The following OSTN variants were observed in gnomAD, a reference collection of about 807,000 sequenced individuals.
OSTN encodes the protein osteocrin.
Under a neutral mutation model 12.0 loss-of-function variants are expected in OSTN, and 9 were observed. The observed-to-expected ratio is 0.75, with a 90% confidence interval of 0.45 to 1.30. The LOEUF (loss-of-function observed/expected upper bound fraction) is 1.30. OSTN is among the 50% of genes most tolerant of loss of function. The probability of loss-of-function intolerance (pLI) is 0.00; values close to 1 mark genes in which losing one functional copy is unlikely to be tolerated. For missense variants in OSTN, 148 were observed against 152.3 expected (o/e 0.97, Z 0.15); for synonymous variants, 59 against 56.9 (o/e 1.04, Z -0.16).
Position 191,263,098 on chromosome 3 carries a change from A to G in OSTN, c.*245A>G. The G allele has an allele frequency of 2.1e-6, 1 of 470,892 alleles. No individual in the cohort carries two copies. The highest frequency in any genetic ancestry group is 3.8e-6 in the Non-Finnish European group (1 of 265,722). 29.2% of individuals were successfully genotyped at this position (470,892 alleles called of 1,614,324 possible). A position where few individuals can be genotyped will look rare whatever the true frequency, so the allele number is the denominator to read the frequency against. ...TATTTTAATTATTCAAGAATGGTTA[A>G]CTTCCCCTTAAACCTTACTTTTAAA... On this transcript the variant is annotated 3_prime_UTR_variant, in exon 5 of 5. Coordinates refer to ENST00000682035, the MANE Select transcript of OSTN (RefSeq NM_198184.2).
intron 4 of OSTN, among the ~76,000 whole-genome samples, chr3:191,253,060 T>C (rs1278308490): frequency 1.1e-4 from 16 of 152,236 alleles, no homozygotes; most frequent in African/African-American, 9.6e-5. Flanking sequence ...TTTGGACTTA[T>C]AGGCCAACAT....
chr3:191,212,481 G>T, intron 1 of OSTN, 52 bp from the exon 2 acceptor site: 4 of 1,250,758 alleles, frequency 3.2e-6, no homozygotes, highest in Admixed American at 4.2e-5. Flanking sequence ...TCTGTTTTTT[G>T]TCTTTACATT....
intron 3 of OSTN, among the ~76,000 whole-genome samples, chr3:191,229,312 A>G (rs1714990833): frequency 6.6e-6 from 1 of 152,220 alleles, no homozygotes. Flanking sequence ...GGTAAGAGAC[A>G]ATTGTGAATG....
intron 3 of OSTN, among the ~76,000 whole-genome samples, chr3:191,225,588 T>C (rs183643845): frequency 8.5e-5 from 13 of 152,230 alleles, no homozygotes; most frequent in Non-Finnish European, 1.3e-4. Flanking sequence ...TGTCCAATAA[T>C]GGTGGACTGG....
intron 4 of OSTN, among the ~76,000 whole-genome samples, chr3:191,259,680 G>T (rs544073003): frequency 2.6e-5 from 4 of 151,994 alleles, no homozygotes; most frequent in African/African-American, 9.6e-5. Flanking sequence ...GCCAGGCGTT[G>T]ATGCTGAAAG....
chr3:191,250,166 C>G, intron 4 of OSTN, 33 bp downstream of exon 4: 1 of 1,445,940 alleles, frequency 6.9e-7, no homozygotes, highest in South Asian at 1.1e-5. Flanking sequence ...ACAGTATATG[C>G]AGGTATTTGA....
intron 4 of OSTN, 73 bp downstream of exon 4, chr3:191,250,206 A>G: frequency 1.7e-6 from 2 of 1,154,174 alleles, no homozygotes; most frequent in Admixed American, 3.8e-5. Flanking sequence ...TAATCAATCC[A>G]TTCTTGCTTA....
At chr3:191,239,208 T>C (rs9855615) in intron 3 of OSTN, among the ~76,000 whole-genome samples, 1 of 152,104 alleles carries the variant, frequency 6.6e-6, no homozygotes, top group South Asian at 2.1e-4. Flanking sequence ...CACTCCATAG[T>C]GTGGGAGCGG....
intron 4 of OSTN, 106 bp from the exon 5 acceptor site, chr3:191,262,760 C>G (rs1236249924): frequency 3.2e-6 from 2 of 629,340 alleles, no homozygotes; most frequent in Admixed American, 2.4e-5. Context: ...TATAATGAAA[C>G]AGCATGTAAT....
rs766806506 is a variant in OSTN at position 191,250,068 on chromosome 3, G to T, written c.349G>T (p.Gly117Cys). Residue 117 changes from glycine (G) to cysteine (C), a missense_variant, in exon 4 of 5, where the codon GGT becomes TGT. By Grantham distance (159) the Gly-to-Cys change is radical. Transcript: ENST00000682035. ...AGTAGATCATCCAAAAAGGCGATTT[G>T]GTATCCCCATGGATCGGATTGGTAG... Reference protein sequence around the residue: ...KVVDHPKRRFGIPMDRIGRNR... With the variant: ...KVVDHPKRRFCIPMDRIGRNR... The T allele has an allele frequency of 3.1e-6, 5 of 1,613,648 alleles. No individual in the cohort carries two copies. The highest frequency in any genetic ancestry group is 2.2e-5 in the South Asian group (2 of 91,066).
intron 4 of OSTN, among the ~76,000 whole-genome samples, chr3:191,261,706 C>G (rs1003750633): frequency 6.6e-6 from 1 of 152,152 alleles, no homozygotes; most frequent in Non-Finnish European, 1.5e-5. Flanking sequence ...TTCCCTGATA[C>G]GTATTTTTGA....
At chr3:191,253,502 G>T (rs1165096870) in intron 4 of OSTN, among the ~76,000 whole-genome samples, 1 of 152,188 alleles carries the variant, frequency 6.6e-6, no homozygotes, top group East Asian at 1.9e-4. Flanking sequence ...TTTCCAGGGG[G>T]TATAGATGCT....
chr3:191,232,738 TTA>T (rs1715093203), intron 3 of OSTN, among the ~76,000 whole-genome samples: 1 of 151,618 alleles, frequency 6.6e-6, no homozygotes, highest in Non-Finnish European at 1.5e-5. Flanking sequence ...GTAGCTGGGA[TTA>T]TAGGCATGGG....
intron 3 of OSTN, among the ~76,000 whole-genome samples, chr3:191,226,821 G>C (rs769393010): frequency 2.6e-5 from 4 of 152,082 alleles, no homozygotes; most frequent in African/African-American, 9.7e-5. Context: ...TGAGTAAAAA[G>C]ATTCAATTAA....
At chr3:191,221,889 G>A (rs550553195) in intron 3 of OSTN, among the ~76,000 whole-genome samples, 1 of 152,314 alleles carries the variant, frequency 6.6e-6, no homozygotes, top group South Asian at 2.1e-4. Context: ...AGGGATAAAT[G>A]GTTTCTTGGG....
At chr3:191,228,474 C>G (rs960557160) in intron 3 of OSTN, among the ~76,000 whole-genome samples, 11 of 152,140 alleles carry the variant, frequency 7.2e-5, no homozygotes, top group African/African-American at 2.7e-4. Context: ...TCAAAAATCC[C>G]TCAGATATTA....
intron 3 of OSTN, among the ~76,000 whole-genome samples, chr3:191,241,822 A>G (rs949950590): frequency 1.3e-5 from 2 of 152,222 alleles, no homozygotes; most frequent in Non-Finnish European, 2.9e-5. Flanking sequence ...ATGTGATTAA[A>G]TAAATAACAG....
chr3:191,235,878 A>G (rs1338816691), intron 3 of OSTN, among the ~76,000 whole-genome samples: 2 of 151,762 alleles, frequency 1.3e-5, no homozygotes, highest in Admixed American at 1.3e-4. Flanking sequence ...TCAGTCTGGT[A>G]TCAAGCCAAT....
chr3:191,258,330 A>G (rs1715722665), intron 4 of OSTN, among the ~76,000 whole-genome samples: 1 of 152,206 alleles, frequency 6.6e-6, no homozygotes, highest in Non-Finnish European at 1.5e-5. Context: ...AAGGCTAACA[A>G]AGTATTTTTA....
Sources: gnomAD v4.1 joint callset for allele counts (sites outside exome capture counted in the v4.1 genomes callset) on GRCh38, gnomAD v4.1.1 for gene constraint, MANE v1.5 for transcripts, NCBI Gene and HGNC (gene_info 2026-07-23, HGNC 2026-07-21) for gene names.